The following STX8 variants were observed in gnomAD, a reference collection of about 807,000 sequenced individuals.
STX8 encodes the protein syntaxin-8.
A neutral mutation model predicts 37.5 loss-of-function variants in STX8; 23 were observed. That is an observed-to-expected ratio of 0.61 (90% CI 0.44 to 0.87). STX8 has a LOEUF of 0.87. Among genes scored for constraint, STX8 ranks in the 40% least tolerant of loss-of-function variants. The pLI, the probability that STX8 is intolerant of heterozygous loss-of-function variation, is 0.00. For missense variants in STX8, 313 were observed against 284.7 expected (o/e 1.10, Z -0.71); for synonymous variants, 115 against 99.1 (o/e 1.16, Z -0.95).
chr17:9,321,375 C>T (rs986070696), intron 7 of STX8, among the ~76,000 whole-genome samples: 3 of 151,822 alleles, frequency 2.0e-5, no homozygotes, highest in African/African-American at 7.3e-5. Flanking sequence ...GCTAAAACTA[C>T]AAAAATTAGC....
intron 7 of STX8, among the ~76,000 whole-genome samples, chr17:9,310,162 T>C (rs1370069994): frequency 6.8e-6 from 1 of 146,482 alleles, no homozygotes; most frequent in Non-Finnish European, 1.5e-5. Context: ...AAAAACAACA[T>C]ACAAACACAC....
chr17:9,445,931 G>A (rs1260279219), intron 6 of STX8, among the ~76,000 whole-genome samples: 3 of 147,554 alleles, frequency 2.0e-5, no homozygotes, highest in South Asian at 2.1e-4. Context: ...TCTGCCTCCC[G>A]GGTTCACGCC....
intron 6 of STX8, among the ~76,000 whole-genome samples, chr17:9,487,185 C>A (rs184723081): frequency 2.0e-5 from 3 of 152,136 alleles, no homozygotes; most frequent in Admixed American, 6.5e-5. Context: ...ATAATTCGAC[C>A]TTTCAGCTTT....
chr17:9,359,048 C>CT (rs575675355), intron 7 of STX8, among the ~76,000 whole-genome samples: 1,499 of 142,948 alleles, frequency 0.01, 13 homozygotes, highest in African/African-American at 0.034. Context: ...TTTTTTTTTT[C>CT]TTTTTTTTTT....
At chr17:9,290,462 G>A (rs114000351) in intron 7 of STX8, among the ~76,000 whole-genome samples, 1,857 of 152,294 alleles carry the variant, frequency 0.012, 45 homozygotes, top group African/African-American at 0.042. Context: ...CAGCAAGCAC[G>A]TGTGCGCGTA....
chr17:9,310,149 A>G (rs1469429936), intron 7 of STX8, among the ~76,000 whole-genome samples: 3 of 143,626 alleles, frequency 2.1e-5, no homozygotes, highest in South Asian at 2.1e-4. Flanking sequence ...CAAAAGGGGG[A>G]AAAAAAACAA....
intron 6 of STX8, among the ~76,000 whole-genome samples, chr17:9,491,090 G>A (rs528087238): frequency 1.3e-5 from 2 of 152,176 alleles, no homozygotes; most frequent in South Asian, 4.1e-4. Context: ...CCCTCTCCCT[G>A]AGCTCTGGTA....
chr17:9,511,228 G>A (rs1905009847), intron 4 of STX8, among the ~76,000 whole-genome samples: 1 of 148,926 alleles, frequency 6.7e-6, no homozygotes. Flanking sequence ...CCAAAAAATT[G>A]AAGTGAGGGT....
chr17:9,490,119 TG>T (rs1906790240), intron 6 of STX8, among the ~76,000 whole-genome samples: 1 of 152,234 alleles, frequency 6.6e-6, no homozygotes, highest in Non-Finnish European at 1.5e-5. Flanking sequence ...GTCCTCTCTG[TG>T]CTGAAACTAT....
At chr17:9,540,423 G>T (rs765757454) in intron 4 of STX8, among the ~76,000 whole-genome samples, 1 of 152,112 alleles carries the variant, frequency 6.6e-6, no homozygotes, top group Non-Finnish European at 1.5e-5. Flanking sequence ...GCACTTTTTG[G>T]ACAAGCATAT....
chr17:9,549,533 G>T (rs910554262), intron 3 of STX8, among the ~76,000 whole-genome samples: 1 of 152,172 alleles, frequency 6.6e-6, no homozygotes, highest in African/African-American at 2.4e-5. Flanking sequence ...CAAACATTCT[G>T]CAGACTTCTC....
At chr17:9,387,455 C>T (rs1446933630) in intron 6 of STX8, among the ~76,000 whole-genome samples, 6 of 152,268 alleles carry the variant, frequency 3.9e-5, no homozygotes, top group South Asian at 4.1e-4. Context: ...CCACCACACC[C>T]GGCTAATTTT....
At chr17:9,377,024 T>C (rs571070757) in intron 7 of STX8, among the ~76,000 whole-genome samples, 168 of 151,840 alleles carry the variant, frequency 1.1e-3, no homozygotes, top group Admixed American at 2.0e-3. Context: ...TGATAAAGGG[T>C]CTCAAGGAGA....
intron 7 of STX8, among the ~76,000 whole-genome samples, chr17:9,356,627 A>G (rs140698877): frequency 6.6e-6 from 1 of 152,312 alleles, no homozygotes; most frequent in African/African-American, 2.4e-5. Flanking sequence ...AAGCAAGAAG[A>G]GGGGTGAGGC....
rs867247979 is a variant in STX8, at chr17:9,549,063, T to C, written c.213-3781A>G. ...AAGGAATTTTATGTTTACATATGCA[T>C]ATATTTCAAGCCTAGAAAAGTCTGA... On this transcript the variant is annotated intron_variant, in intron 3 of 7. Coordinates refer to ENST00000306357, the MANE Select transcript of STX8 (RefSeq NM_004853.3). Among the ~76,000 whole-genome samples the C allele has an allele frequency of 5.9e-5, 9 of 152,316 alleles. No individual in the cohort carries two copies. The Middle Eastern group carries it at 0.01, about 173-fold the overall frequency.
intron 7 of STX8, among the ~76,000 whole-genome samples, chr17:9,339,359 A>C (rs1224698117): frequency 6.6e-6 from 1 of 152,090 alleles, no homozygotes. Context: ...ACTCCAGTAT[A>C]AAAGGACTCC....
chr17:9,327,031 C>T (rs1038580153), intron 7 of STX8, among the ~76,000 whole-genome samples: 1 of 151,954 alleles, frequency 6.6e-6, no homozygotes, highest in Non-Finnish European at 1.5e-5. Flanking sequence ...ATGGTGCATG[C>T]CTGTAATCCC....
At chr17:9,499,621 A>C (rs1368510042) in intron 5 of STX8, among the ~76,000 whole-genome samples, 2 of 152,142 alleles carry the variant, frequency 1.3e-5, no homozygotes, top group Non-Finnish European at 2.9e-5. Context: ...GATGGTCTCG[A>C]TCTCTTGACC....
intron 7 of STX8, among the ~76,000 whole-genome samples, chr17:9,322,075 C>G (rs1210838119): frequency 1.3e-5 from 2 of 152,212 alleles, no homozygotes. Context: ...CTATTGGATT[C>G]ACTTATTTCT....
Sources: gnomAD v4.1 joint callset for allele counts (sites outside exome capture counted in the v4.1 genomes callset) on GRCh38, gnomAD v4.1.1 for gene constraint, MANE v1.5 for transcripts, NCBI Gene and HGNC (gene_info 2026-07-23, HGNC 2026-07-21) for gene names.